The following GARNL3 variants were observed in gnomAD, a reference collection of about 807,000 sequenced individuals.
GARNL3 encodes GTPase-activating Rap/Ran-GAP domain-like protein 3.
In GARNL3, 63 loss-of-function variants were observed where a neutral mutation model predicts 125.0. That is an observed-to-expected ratio of 0.50 (90% CI 0.41 to 0.62). The LOEUF (loss-of-function observed/expected upper bound fraction) is 0.62. GARNL3 is among the 20% of genes least tolerant of loss of function. The probability of loss-of-function intolerance (pLI) is 0.00; values close to 1 mark genes in which losing one functional copy is unlikely to be tolerated. For synonymous variants in GARNL3, 439 were observed against 457.5 expected (o/e 0.96, Z 0.52); for missense variants, 994 against 1,244.0 (o/e 0.80, Z 3.02).
chr9:127,338,118 AT>A lies in GARNL3; in HGVS notation c.990del (p.Phe330LeufsTer3), dbSNP rs1227867118. The A allele has an allele frequency of 1.2e-6, 2 of 1,609,860 alleles. No homozygotes were observed. Among genetic ancestry groups the A allele is most frequent in the Admixed American group, 3.3e-5 (2 of 60,020 alleles). The part of the protein sequence containing the change: ...PSMIRSHFTH[I>X]FALVRYNQQN... Reference sequence around the variant, plus strand: ...AGTTCCCTTAACCATCACCACAGATATTTTTGCCTTAGTGAGATACAATCAA... The same window carrying A: ...AGTTCCCTTAACCATCACCACAGATATTTTGCCTTAGTGAGATACAATCAA... On this transcript the variant is annotated frameshift_variant, in exon 12 of 28. Coordinates refer to ENST00000373387, the MANE Select transcript of GARNL3 (RefSeq NM_032293.5). LOFTEE classifies it high-confidence loss of function.
At chr9:127,254,017 G>T (rs1362360906) in intron 2 of GARNL3, among the ~76,000 whole-genome samples, 5 of 152,200 alleles carry the variant, frequency 3.3e-5, no homozygotes, top group African/African-American at 9.6e-5. Context: ...AAGAGACAGA[G>T]ATGAGATGGC....
At chr9:127,272,971 C>CT (rs1368379864) in intron 1 of GARNL3, among the ~76,000 whole-genome samples, 3 of 152,056 alleles carry the variant, frequency 2.0e-5, no homozygotes, top group Non-Finnish European at 4.4e-5. Flanking sequence ...AATCAGAAAT[C>CT]TTTTATTATG....
At position 127,387,207 on chromosome 9, in the gene GARNL3, C is replaced by T. The variant is rs762958240; in HGVS notation, c.2403C>T (p.Phe801=). The change falls in exon 25 of 28, where the codon TTC becomes TTT. Residue 801 remains phenylalanine (F), a synonymous_variant. Coordinates refer to ENST00000373387, the MANE Select transcript of GARNL3 (RefSeq NM_032293.5). The part of the protein sequence containing the change: ...QLVASRSDIY[F]TATAAVNEVS... ...TTCCTTTCTAGTCGGATATATACTT[C>T]ACAGCAACTGCAGCTGTGAATGAGG... 4.3e-6 allele frequency: 7 copies of T among 1,613,450 alleles called. No individual in the cohort carries two copies. The Admixed American group carries it at 1.2e-4, about 27-fold the overall frequency.
rs2065526743 is a variant in GARNL3 at position 127,325,074 on chromosome 9, G to A, written c.573G>A (p.Leu191=). The A allele has an allele frequency of 6.2e-7, 1 of 1,613,364 alleles. No individual in the cohort carries two copies. The highest frequency in any genetic ancestry group is 1.7e-5 in the Admixed American group (1 of 59,982). ...EIFHPEIQKD[L]LVLEEQEGSV... ...TTTAAAACTTTATTTGACAGGACTTGCTGGTTCTTGAAGAACAAGAGGTGA... is the reference window on the plus strand; with the variant it reads ...TTTAAAACTTTATTTGACAGGACTTACTGGTTCTTGAAGAACAAGAGGTGA... Residue 191 remains leucine (L), a synonymous_variant, in exon 7 of 28, where the codon TTG becomes TTA. Transcript: ENST00000373387.
At chr9:127,287,923 C>T (rs1459200653) in intron 1 of GARNL3, among the ~76,000 whole-genome samples, 1 of 152,182 alleles carries the variant, frequency 6.6e-6, no homozygotes, top group Non-Finnish European at 1.5e-5. Context: ...CAGTATAGGT[C>T]TTACCCCTGT....
rs1282630953 is a variant in GARNL3, at chr9:127,344,294, G to C, written c.1311G>C (p.Arg437=). ...TACCAGAGTCACCCAAGTCAGCGCG[G>C]AAGAAAGAGGAGGCCCGCCAGGCGG... ...DVLPESPKSA[R]KKEEARQAEF... Residue 437 remains arginine, a synonymous_variant, in exon 15 of 28, where the codon CGG becomes CGC. Coordinates refer to ENST00000373387, the MANE Select transcript of GARNL3 (RefSeq NM_032293.5). The C allele has an allele frequency of 6.2e-7, 1 of 1,614,042 alleles. No individual in the cohort carries two copies.
chr9:127,291,849 A>T (rs2064431189), intron 2 of GARNL3, among the ~76,000 whole-genome samples: 1 of 149,092 alleles, frequency 6.7e-6, no homozygotes, highest in South Asian at 2.1e-4. Context: ...TTTACACGGT[A>T]GCTCATCATA....
intron 22 of GARNL3, among the ~76,000 whole-genome samples, chr9:127,367,799 T>C (rs1245147714): frequency 6.6e-6 from 1 of 152,118 alleles, no homozygotes; most frequent in Non-Finnish European, 1.5e-5. Flanking sequence ...TGCGATCATA[T>C]TTAACCTCAC....
chr9:127,260,597 G>A (rs571042164), upstream of GARNL3, among the ~76,000 whole-genome samples: 1 of 152,248 alleles, frequency 6.6e-6, no homozygotes, highest in South Asian at 2.1e-4. Flanking sequence ...GGGCTTTGTG[G>A]GCCATATGGG....
chr9:127,246,848 C>T (rs1405953931), intron 2 of GARNL3, among the ~76,000 whole-genome samples: 1 of 150,574 alleles, frequency 6.6e-6, no homozygotes, highest in Admixed American at 6.6e-5. Context: ...GGTACAGTAA[C>T]ATCTTTGGGA....
In GARNL3 at chr9:127,350,681, C is replaced by T. The variant is rs537951023; in HGVS notation, c.1543+1646C>T. Among the ~76,000 whole-genome samples the T allele has an allele frequency of 2.6e-5, 4 of 151,980 alleles. No individual in the cohort carries two copies. The South Asian group carries it at 6.3e-4, about 24-fold the overall frequency. On this transcript the variant is annotated intron_variant, in intron 17 of 27. Transcript: ENST00000373387. ...GTCCCAGCTGCTCAGGAGGCTGAAG[C>T]AGGAGAATCACTTGAACCCAGGAGG...
chr9:127,231,223 TTTTTG>T lies in GARNL3; in HGVS notation c.-29+6890_-29+6894del, dbSNP rs1175780527. ...GCGCCCGCCACCACGCCCAGCTAAT[TTTTTG>T]TTTTTTTTTTTTTTTTTGTATTTTT... On this transcript the variant is annotated intron_variant, in intron 1 of 10. Coordinates refer to the GARNL3 transcript ENST00000439286. Among the ~76,000 whole-genome samples, 86 of 77,026 alleles carry T rather than the reference TTTTTG, an allele frequency of 1.1e-3. 2 individuals carry two copies. Among genetic ancestry groups the T allele is most frequent in the African/African-American group, 4.2e-3 (80 of 18,984 alleles). The allele number at this position is 77,026 out of a possible 152,430, so 50.5% of individuals were successfully genotyped here. A position where few individuals can be genotyped will look rare whatever the true frequency, so the allele number is the denominator to read the frequency against.
chr9:127,330,658 A>G (rs1829173404), intron 7 of GARNL3, among the ~76,000 whole-genome samples: 1 of 152,222 alleles, frequency 6.6e-6, no homozygotes, highest in South Asian at 2.1e-4. Context: ...AGAATAAACA[A>G]GGTTCTCCGA....
intron 1 of GARNL3, among the ~76,000 whole-genome samples, chr9:127,282,845 GAAAAATTACAT>G (rs755817537): frequency 1.2e-3 from 177 of 152,020 alleles, no homozygotes; most frequent in Non-Finnish European, 1.8e-3. Context: ...TTTTGTTTTT[GAAAAATTACAT>G]ATTTGTATTA....
At chr9:127,388,836 A>G in intron 25 of GARNL3, 68 bp from the exon 26 acceptor site, 1 of 963,684 alleles carries the variant, frequency 1.0e-6, no homozygotes, top group Non-Finnish European at 1.7e-6. Context: ...GGAACAAGAA[A>G]TTACTCTCTT....
chr9:127,336,358 C>T (rs947247608), intron 11 of GARNL3, 122 bp downstream of exon 11: 1 of 616,276 alleles, frequency 1.6e-6, no homozygotes, highest in Admixed American at 3.2e-5. Context: ...TTTAGACTCA[C>T]TTTTGGGGAA....
At chr9:127,274,438 T>C (rs2063901827) in intron 1 of GARNL3, among the ~76,000 whole-genome samples, 1 of 152,204 alleles carries the variant, frequency 6.6e-6, no homozygotes, top group Non-Finnish European at 1.5e-5. Flanking sequence ...GACATCAGCA[T>C]GCTCTCTAGT....
chr9:127,337,703 C>T (rs537722819), intron 11 of GARNL3, among the ~76,000 whole-genome samples: 34 of 152,278 alleles, frequency 2.2e-4, no homozygotes, highest in Non-Finnish European at 3.7e-4. Flanking sequence ...AGGTATACAG[C>T]GGAAACATTT....
chr9:127,299,766 C>T (rs2064725788), intron 2 of GARNL3, among the ~76,000 whole-genome samples: 1 of 152,158 alleles, frequency 6.6e-6, no homozygotes, highest in South Asian at 2.1e-4. Flanking sequence ...AGACCGGTTT[C>T]ACCATAGCCA....
Sources: allele counts gnomAD v4.1 joint callset (sites outside exome capture counted in the v4.1 genomes callset), GRCh38; gene constraint gnomAD v4.1.1; transcripts MANE v1.5; gene names NCBI Gene and HGNC (gene_info 2026-07-23, HGNC 2026-07-21).